The following MAMDC2 variants were observed in gnomAD, a reference collection of about 807,000 sequenced individuals.
MAMDC2 encodes MAM domain containing 2.
Under a neutral mutation model 89.8 loss-of-function variants are expected in MAMDC2, and 57 were observed. The observed-to-expected ratio is 0.63, with a 90% CI of 0.51 to 0.79. The LOEUF (loss-of-function observed/expected upper bound fraction) is 0.79, where lower values mean the gene tolerates loss of function less well. Ranked by LOEUF, MAMDC2 falls within the 30% of genes least tolerant of loss-of-function variation. MAMDC2 has a pLI of 0.00. For synonymous variants in MAMDC2, 313 were observed against 293.4 expected, an observed-to-expected ratio of 1.07 and a Z score of -0.68; for missense variants, 800 against 820.6, an observed-to-expected ratio of 0.97 and a Z score of 0.31.
At chr9:70,103,743 A>T (rs1828259234) in intron 2 of MAMDC2, among the ~76,000 whole-genome samples, 1 of 152,228 alleles carries the variant, frequency 6.6e-6, no homozygotes, top group African/African-American at 2.4e-5. Flanking sequence ...GCACTTTGGG[A>T]GGCCGAGGCG....
intron 11 of MAMDC2, among the ~76,000 whole-genome samples, chr9:70,207,689 G>A (rs532304928): frequency 4.8e-4 from 73 of 152,236 alleles, no homozygotes; most frequent in Non-Finnish European, 9.0e-4. Context: ...TGGTGTTTTC[G>A]ACATGAAGTC....
intron 7 of MAMDC2, among the ~76,000 whole-genome samples, 171 bp from the exon 8 acceptor site, chr9:70,139,974 T>C (rs1004757243): frequency 6.6e-5 from 10 of 152,208 alleles, no homozygotes; most frequent in African/African-American, 2.4e-4. Flanking sequence ...TGTTGAAATG[T>C]TGGTTTGATT....
Position 70,217,258 on chromosome 9 carries a change from G to A in MAMDC2, c.1652-1079G>A, listed in dbSNP as rs767092373. 168 of 1,008,146 alleles carry A rather than the reference G, an allele frequency of 1.7e-4. 2 individuals carry two copies. The highest frequency in any genetic ancestry group is 2.4e-4 in the Non-Finnish European group (154 of 628,928). 62.5% of individuals were successfully genotyped at this position (1,008,146 alleles called of 1,614,324 possible). A position where few individuals can be genotyped will look rare whatever the true frequency, so the allele number is the denominator to read the frequency against. Reference sequence around the variant, plus strand: ...CTACCCGGGACAGGGGAGGCACTACGCCAGGACCGACGGGAAGGTTTTCGA... The same window carrying A: ...CTACCCGGGACAGGGGAGGCACTACACCAGGACCGACGGGAAGGTTTTCGA... On this transcript the variant is annotated intron_variant, in intron 11 of 13. Coordinates refer to ENST00000377182, the MANE Select transcript of MAMDC2 (RefSeq NM_153267.5).
intron 11 of MAMDC2, among the ~76,000 whole-genome samples, chr9:70,211,385 A>G (rs2033351103): frequency 6.6e-6 from 1 of 152,126 alleles, no homozygotes. Flanking sequence ...TTGATCTTCA[A>G]TCACTGATTA....
At chr9:70,189,950 T>C (rs1449935571) in intron 11 of MAMDC2, among the ~76,000 whole-genome samples, 8 of 152,120 alleles carry the variant, frequency 5.3e-5, no homozygotes, top group Non-Finnish European at 1.0e-4. Context: ...TTATAATTTG[T>C]AGTATTATTA....
intron 11 of MAMDC2, among the ~76,000 whole-genome samples, chr9:70,201,980 TTTG>T (rs2033109901): frequency 1.3e-5 from 2 of 151,486 alleles, no homozygotes; most frequent in South Asian, 2.1e-4. Flanking sequence ...GTCTATCAAT[TTTG>T]TTGATCCTTT....
Position 70,218,404 on chromosome 9 carries a change from T to C in MAMDC2, c.1719T>C (p.Pro573=). 1 of 1,614,194 alleles carries C rather than the reference T, an allele frequency of 6.2e-7. No homozygotes were observed. The highest frequency in any genetic ancestry group is 8.5e-7 in the Non-Finnish European group (1 of 1,180,018). The stretch of plus-strand genomic sequence containing the variant: ...AAAAAGCACGCCTCTTGTCCAGGCC[T>C]CTGCGAGGAGTCTCTGGAAAACACT... The part of the protein sequence containing the change: ...YGQKARLLSR[P]LRGVSGKHCL... The change falls in exon 12 of 14, where the codon CCT becomes CCC. Residue 573 remains proline, a synonymous_variant. Transcript: ENST00000377182.
At chr9:70,109,870 G>A in intron 4 of MAMDC2, 66 bp downstream of exon 4, 1 of 1,342,122 alleles carries the variant, frequency 7.5e-7, no homozygotes, top group Non-Finnish European at 1.1e-6. Flanking sequence ...TGTTGCCAGA[G>A]GGAACTGAAT....
chr9:70,053,178 T>A (rs957488242), intron 2 of MAMDC2, among the ~76,000 whole-genome samples: 2 of 152,180 alleles, frequency 1.3e-5, no homozygotes, highest in Admixed American at 6.5e-5. Context: ...TTATATATGG[T>A]TATGACAAAT....
intron 2 of MAMDC2, among the ~76,000 whole-genome samples, chr9:70,050,039 A>C (rs1393666405): frequency 6.6e-6 from 1 of 152,066 alleles, no homozygotes; most frequent in Admixed American, 6.5e-5. Context: ...AAACTCTGAA[A>C]CTTTGTTGTG....
At chr9:70,104,188 T>C (rs1459599589) in intron 2 of MAMDC2, among the ~76,000 whole-genome samples, 1 of 152,102 alleles carries the variant, frequency 6.6e-6, no homozygotes, top group East Asian at 1.9e-4. Context: ...AATAAGCATA[T>C]GAAAGATGCT....
intron 12 of MAMDC2, 64 bp from the exon 13 acceptor site, chr9:70,225,686 T>C (rs1173626865): frequency 8.7e-6 from 9 of 1,038,552 alleles, no homozygotes; most frequent in Admixed American, 1.8e-5. Flanking sequence ...AGCCTGGATC[T>C]GCCCTGACCA....
At chr9:70,224,016 T>C (rs958967125) in intron 12 of MAMDC2, among the ~76,000 whole-genome samples, 1 of 152,148 alleles carries the variant, frequency 6.6e-6, no homozygotes, top group African/African-American at 2.4e-5. Context: ...CTTCAGGTAA[T>C]TTTATTACTC....
chr9:70,213,133 T>C (rs539669187), intron 11 of MAMDC2, among the ~76,000 whole-genome samples: 1 of 152,340 alleles, frequency 6.6e-6, no homozygotes, highest in South Asian at 2.1e-4. Flanking sequence ...CTTGTACTGT[T>C]ACCAGTAGGA....
intron 2 of MAMDC2, among the ~76,000 whole-genome samples, chr9:70,060,928 T>C (rs1563936108): frequency 6.6e-6 from 1 of 152,226 alleles, no homozygotes. Context: ...CTCATCATCA[T>C]GGATTTTTCT....
chr9:70,162,937 C>CTTAAAATTATA (rs2032028569), intron 9 of MAMDC2, among the ~76,000 whole-genome samples: 1 of 150,164 alleles, frequency 6.7e-6, no homozygotes, highest in Non-Finnish European at 1.5e-5. Context: ...TTAGAAGAGA[C>CTTAAAATTATA]TTAAAATTAT....
intron 11 of MAMDC2, among the ~76,000 whole-genome samples, chr9:70,200,901 T>A (rs1474134185): frequency 2.1e-5 from 2 of 96,154 alleles, no homozygotes; most frequent in Non-Finnish European, 4.1e-5. Flanking sequence ...TACATTGATT[T>A]TGTATCCTGA....
chr9:70,045,679 C>T (rs527714338), intron 2 of MAMDC2, among the ~76,000 whole-genome samples: 2 of 152,192 alleles, frequency 1.3e-5, no homozygotes, highest in African/African-American at 2.4e-5. Flanking sequence ...GCTCACTCTG[C>T]CCCAGGCTTC....
At chr9:70,185,604 G>T (rs2032737675) in intron 11 of MAMDC2, among the ~76,000 whole-genome samples, 1 of 152,170 alleles carries the variant, frequency 6.6e-6, no homozygotes, top group African/African-American at 2.4e-5. Context: ...ATCTAGGGAG[G>T]CAGTCTGGCC....
Sources: allele counts gnomAD v4.1 joint callset (sites outside exome capture counted in the v4.1 genomes callset), GRCh38; gene constraint gnomAD v4.1.1; transcripts MANE v1.5; gene names NCBI Gene and HGNC (gene_info 2026-07-23, HGNC 2026-07-21).